STAG3: variants seen among roughly 807,000 people sequenced by gnomAD.
STAG3 encodes cohesin subunit SA-3.
Under a neutral mutation model 160.7 loss-of-function variants are expected in STAG3, and 101 were observed. The ratio of observed to expected loss-of-function variants is 0.63; its 90% CI spans 0.54 to 0.74. STAG3 has a LOEUF of 0.74. Ranked by LOEUF, STAG3 falls within the 30% of genes least tolerant of loss-of-function variation. STAG3 has a pLI of 0.00. For missense variants in STAG3, 1,188 were observed against 1,517.4 expected (o/e 0.78, Z 3.61); for synonymous variants, 519 against 585.0 (o/e 0.89, Z 1.63).
chr7:100,197,766 C>T lies in STAG3; in HGVS notation c.1066-12C>T, dbSNP rs202184509. 330 of 1,609,138 alleles carry T rather than the reference C, an allele frequency of 2.1e-4. 2 individuals carry two copies. The highest frequency in any genetic ancestry group is 4.7e-5 in the Non-Finnish European group (55 of 1,175,778). ...TCTTATTTCCATTCTCCTGGTTTTC[C>T]CTCCTCACCAGCACCGAGAAGTCCG... On this transcript the variant is annotated splice_polypyrimidine_tract_variant and intron_variant, in intron 10 of 33. Coordinates refer to ENST00000615138, the MANE Select transcript of STAG3 (RefSeq NM_001282717.2).
intron 30 of STAG3, 32 bp from the exon 31 acceptor site, chr7:100,211,403 T>C: frequency 6.2e-7 from 1 of 1,607,146 alleles, no homozygotes; most frequent in Non-Finnish European, 8.5e-7. Context: ...CCCTTGATTT[T>C]TATCCCATCA....
At position 100,211,871 on chromosome 7, in the gene STAG3, G is replaced by A. The variant is rs745851519; in HGVS notation, c.3595G>A (p.Asp1199Asn). 1.4e-5 allele frequency: 23 copies of A among 1,613,924 alleles called. No individual in the cohort carries two copies. Among genetic ancestry groups the A allele is most frequent in the Non-Finnish European group, 1.8e-5 (21 of 1,180,008 alleles). Reference sequence around the variant, plus strand: ...GTCAAATGAAGAACGGCAGGATACAGACATGGTGAGTAGACCACCCTGCCC... The same window carrying A: ...GTCAAATGAAGAACGGCAGGATACAAACATGGTGAGTAGACCACCCTGCCC... ...DESNEERQDT[D>N]MQASSYSSTS... The change falls in exon 32 of 34, where the codon GAC becomes AAC. Residue 1199 changes from aspartate to asparagine, a missense_variant. By Grantham distance (23) the Asp-to-Asn change is conservative. Transcript: ENST00000615138.
chr7:100,197,719 G>A (rs1262638616), intron 10 of STAG3, 59 bp from the exon 11 acceptor site: 42 of 1,388,134 alleles, frequency 3.0e-5, no homozygotes, highest in Admixed American at 1.7e-5. Flanking sequence ...AGGCTTAGTA[G>A]GGGCGAGTAG....
intron 29 of STAG3, among the ~76,000 whole-genome samples, chr7:100,205,809 G>T (rs1276205685): frequency 6.7e-6 from 1 of 148,802 alleles, no homozygotes; most frequent in African/African-American, 2.5e-5. Context: ...CAGCCTGGGT[G>T]ACAGAGCGAG....
At chr7:100,190,985 A>G (rs1212190766) in intron 8 of STAG3, among the ~76,000 whole-genome samples, 3 of 152,304 alleles carry the variant, frequency 2.0e-5, no homozygotes, top group South Asian at 2.1e-4. Flanking sequence ...CCTGTCGAAA[A>G]TGATATGTTG....
chr7:100,179,691 T>G (rs770639955), intron 1 of STAG3, among the ~76,000 whole-genome samples: 8 of 152,180 alleles, frequency 5.3e-5, no homozygotes, highest in South Asian at 4.1e-4. Flanking sequence ...TTCTGGGGTG[T>G]TGTTGTGCTT....
At position 100,207,190 on chromosome 7, in the gene STAG3, C is replaced by T. The variant is rs1255758815; in HGVS notation, c.3238+1806C>T. 6.6e-6 allele frequency among the ~76,000 whole-genome samples: 1 copy of T among 152,168 alleles called. No homozygotes were observed. Among genetic ancestry groups the T allele is most frequent in the Non-Finnish European group, 1.5e-5 (1 of 68,032 alleles). On this transcript the variant is annotated intron_variant, in intron 29 of 33. Transcript: ENST00000615138. This position sits in a 1 kb window ranked among gnomAD's most constrained non-coding sequence, Gnocchi z 4.0. ...TAATGCTGCTAAACATGCATGTACACATTTTTGGGTGGATGCATCTTTTCA... is the reference window on the plus strand; with the variant it reads ...TAATGCTGCTAAACATGCATGTACATATTTTTGGGTGGATGCATCTTTTCA...
intron 29 of STAG3, among the ~76,000 whole-genome samples, chr7:100,205,738 G>A (rs1184974453): frequency 4.0e-5 from 6 of 151,662 alleles, no homozygotes; most frequent in African/African-American, 7.3e-5. Context: ...GCTGAGGCAG[G>A]AGAATCACTT....
chr7:100,197,374 A>G (rs1584708663), intron 10 of STAG3, 95 bp downstream of exon 10: 34 of 1,537,868 alleles, frequency 2.2e-5, no homozygotes, highest in Non-Finnish European at 2.9e-5. Context: ...GAGATATTTT[A>G]CCTAGTGACC....
In STAG3 at chr7:100,211,497, C is replaced by T. The variant is rs548870528; in HGVS notation, c.3476C>T (p.Pro1159Leu). The T allele has an allele frequency of 3.1e-6, 5 of 1,613,906 alleles. No individual in the cohort carries two copies. Among genetic ancestry groups the T allele is most frequent in the Non-Finnish European group, 4.2e-6 (5 of 1,180,004 alleles). The change falls in exon 31 of 34, where the codon CCA becomes CTA. Residue 1159 changes from proline to leucine, a missense_variant. Pro to Leu is a moderately conservative substitution (Grantham distance 98). This residue lies in a region of STAG3 where 647 missense variants were observed against 717.2 expected (regional missense o/e 0.90). Coordinates refer to ENST00000615138, the MANE Select transcript of STAG3 (RefSeq NM_001282717.2). ...TTGGGTCCACAATATTTCCAGACTCCACACAACCCTTCAGGTCCTGGCCTG... is the reference window on the plus strand; with the variant it reads ...TTGGGTCCACAATATTTCCAGACTCTACACAACCCTTCAGGTCCTGGCCTG... ...RFLGPQYFQTPHNPSGPGLGN... is the reference protein window; with the variant it reads ...RFLGPQYFQTLHNPSGPGLGN...
At chr7:100,209,723 G>A (rs186108031) in intron 29 of STAG3, among the ~76,000 whole-genome samples, 220 of 152,330 alleles carry the variant, frequency 1.4e-3, no homozygotes, top group Non-Finnish European at 2.5e-3. Context: ...GAGGTGCCGA[G>A]AAACGGCCAG....
Position 100,200,879 on chromosome 7 carries a change from C to A in STAG3, c.1971C>A (p.Phe657Leu). Residue 657 changes from phenylalanine to leucine, a missense_variant, in exon 19 of 34, where the codon TTC (phenylalanine) becomes TTA (leucine). By Grantham distance (22) the Phe-to-Leu change is conservative. Coordinates refer to ENST00000615138, the MANE Select transcript of STAG3 (RefSeq NM_001282717.2). ...TCTACCTGCTCTGTAATCCCGAATTCACTTTCTTCAGCCGGGCGGACTTTG... is the reference window on the plus strand; with the variant it reads ...TCTACCTGCTCTGTAATCCCGAATTAACTTTCTTCAGCCGGGCGGACTTTG... ...HALYLLCNPE[F>L]TFFSRADFAR... 3 of 1,614,224 alleles carry A rather than the reference C, an allele frequency of 1.9e-6. No individual in the cohort carries two copies. The highest frequency in any genetic ancestry group is 2.5e-6 in the Non-Finnish European group (3 of 1,180,052).
At chr7:100,215,514 G>C (rs182500618), downstream of STAG3, among the ~76,000 whole-genome samples, 533 of 152,342 alleles carry the variant, frequency 3.5e-3, 2 homozygotes, top group African/African-American at 0.011. Flanking sequence ...AGCCTGTTTT[G>C]TGGGATGAGG....
downstream of STAG3, chr7:100,218,585 A>C: frequency 2.6e-6 from 1 of 383,792 alleles, no homozygotes; most frequent in Non-Finnish European, 5.0e-6. Context: ...TTATCTCCTC[A>C]GTTATAAAGT....
chr7:100,187,190 C>T (rs1172399294), intron 5 of STAG3, among the ~76,000 whole-genome samples: 2 of 152,068 alleles, frequency 1.3e-5, no homozygotes, highest in South Asian at 2.1e-4. Context: ...TGCCACCATA[C>T]GTGGCTAATT....
chr7:100,202,066 A>G, intron 23 of STAG3, 25 bp downstream of exon 23: 1 of 1,613,834 alleles, frequency 6.2e-7, no homozygotes, highest in Non-Finnish European at 8.5e-7. Context: ...AAGTGGGAGC[A>G]ACAAGGCGAG....
chr7:100,193,933 T>G (rs1296178465), intron 8 of STAG3, among the ~76,000 whole-genome samples: 1 of 148,648 alleles, frequency 6.7e-6, no homozygotes, highest in Non-Finnish European at 1.5e-5. Context: ...CTAAGCTTAA[T>G]CATTTCTTTT....
chr7:100,202,158 T>A lies in STAG3; in HGVS notation c.2395-14T>A. The A allele has an allele frequency of 6.2e-7, 1 of 1,609,812 alleles. No individual in the cohort carries two copies. Among genetic ancestry groups the A allele is most frequent in the African/African-American group, 1.3e-5 (1 of 74,736 alleles). ...ATTCTGTCCTTTTAAACATCCTTTC[T>A]TTTCCCCCTACAGGCTTTTGTCTTA... On this transcript the variant is annotated splice_polypyrimidine_tract_variant and intron_variant, in intron 23 of 33. Transcript: ENST00000615138.
intron 4 of STAG3, among the ~76,000 whole-genome samples, chr7:100,185,255 C>T (rs1355654377): frequency 1.3e-5 from 2 of 152,138 alleles, no homozygotes; most frequent in African/African-American, 4.8e-5. Flanking sequence ...ATGAGTTTCA[C>T]TTTACTTGGG....
Sources: allele counts gnomAD v4.1 joint callset (sites outside exome capture counted in the v4.1 genomes callset), GRCh38; gene constraint gnomAD v4.1.1; regional missense constraint gnomAD v4.1.1; non-coding constraint Gnocchi (gnomAD v3.1); transcripts MANE v1.5; gene names NCBI Gene and HGNC (gene_info 2026-07-23, HGNC 2026-07-21).